ZBTB16: variants seen among roughly 807,000 people sequenced by gnomAD.
ZBTB16 encodes zinc finger and BTB domain containing 16.
Under a neutral mutation model 56.8 loss-of-function variants are expected in ZBTB16, and 8 were observed. That is an observed-to-expected ratio of 0.14 (90% CI 0.08 to 0.25). The LOEUF (loss-of-function observed/expected upper bound fraction) is 0.25, where lower values mean the gene tolerates loss of function less well. ZBTB16 is among the 10% of genes least tolerant of loss of function. ZBTB16 has a pLI of 1.00. For synonymous variants in ZBTB16, 363 were observed against 368.5 expected, an observed-to-expected ratio of 0.98 and a Z score of 0.17; for missense variants, 625 against 903.0, an observed-to-expected ratio of 0.69 and a Z score of 3.95.
chr11:114,171,909 G>A (rs978363256), intron 3 of ZBTB16, among the ~76,000 whole-genome samples: 4 of 152,358 alleles, frequency 2.6e-5, no homozygotes, highest in Middle Eastern at 3.4e-3. Context: ...TTAATGAGGC[G>A]TTCCGCCTCT....
At chr11:114,220,746 A>G (rs1345374153) in intron 4 of ZBTB16, among the ~76,000 whole-genome samples, 4 of 152,208 alleles carry the variant, frequency 2.6e-5, no homozygotes, top group African/African-American at 9.6e-5. Context: ...GTATATAAGT[A>G]AATGAATGTA....
chr11:114,239,809 C>T (rs1944665188), intron 4 of ZBTB16, among the ~76,000 whole-genome samples: 2 of 152,176 alleles, frequency 1.3e-5, no homozygotes, highest in African/African-American at 4.8e-5. Context: ...CCAGGGTAAG[C>T]CCAGACAGGC....
intron 2 of ZBTB16, among the ~76,000 whole-genome samples, chr11:114,090,183 A>G (rs901358173): frequency 1.3e-5 from 2 of 152,152 alleles, no homozygotes; most frequent in African/African-American, 2.4e-5. Flanking sequence ...GCTCCCTGCT[A>G]TTCTGTTCCC....
intron 4 of ZBTB16, among the ~76,000 whole-genome samples, chr11:114,236,453 T>A (rs1309196884): frequency 6.6e-6 from 1 of 152,134 alleles, no homozygotes; most frequent in African/African-American, 2.4e-5. Context: ...ATGGTCTGGG[T>A]TTTTGCTTCC....
In ZBTB16 at chr11:114,255,213, ATTTG is replaced by A. The variant is rs896972793; in HGVS notation, c.*4666_*4669del. On this transcript the variant is annotated 3_prime_UTR_variant, in exon 7 of 7. Coordinates refer to ENST00000335953, the MANE Select transcript of ZBTB16 (RefSeq NM_006006.6). ...TTTGGGTATTATGTTTCGTTTTGTT[ATTTG>A]TTTGTTTTTGTGGCTTGTCTTATGT... is the stretch of plus-strand genomic sequence containing the variant. 8.6e-5 allele frequency among the ~76,000 whole-genome samples: 13 copies of A among 152,046 alleles called. No individual in the cohort carries two copies. The highest frequency in any genetic ancestry group is 2.4e-4 in the African/African-American group (10 of 41,400).
rs1453413639 is a variant in ZBTB16, at chr11:114,139,204, T to C, written c.1269-17133T>C. The stretch of plus-strand genomic sequence containing the variant: ...AGCATGGAGACCACACTTCTGAAGA[T>C]GGAAGGAGACCCTTCTCCAGGCTGT... On this transcript the variant is annotated intron_variant, in intron 2 of 6. Transcript: ENST00000335953. Among the ~76,000 whole-genome samples the C allele has an allele frequency of 3.3e-5, 5 of 152,208 alleles. 1 individual carries two copies. The highest frequency in any genetic ancestry group is 7.3e-5 in the Non-Finnish European group (5 of 68,046).
chr11:114,197,030 T>C (rs1380159523), intron 4 of ZBTB16, among the ~76,000 whole-genome samples: 2 of 152,192 alleles, frequency 1.3e-5, no homozygotes, highest in South Asian at 2.1e-4. Context: ...TGCGGATCAA[T>C]GGATCAAAGC....
intron 2 of ZBTB16, among the ~76,000 whole-genome samples, chr11:114,139,665 A>T (rs1471088922): frequency 4.4e-4 from 35 of 79,804 alleles, no homozygotes; most frequent in Middle Eastern, 6.0e-3. Context: ...GTGTGTGTGT[A>T]GTAGAGGATT....
Position 114,064,058 on chromosome 11 carries a change from G to T in ZBTB16, c.758G>T (p.Ser253Ile). ...ATGATGCAGGTGGATGAGGTGCCCA[G>T]CCAGGACAGCCCTGGGGCAGCCGAG... The part of the protein sequence containing the change: ...TEMMQVDEVP[S>I]QDSPGAAESS... The change falls in exon 2 of 7, where the codon AGC (serine) becomes ATC (isoleucine). Residue 253 changes from serine to isoleucine, a missense_variant. Physicochemically the swap from Ser to Ile is moderately radical, Grantham distance 142 (BLOSUM62 -2). Transcript: ENST00000335953. The surrounding 1 kb of genome is among the most constrained non-coding windows in gnomAD (Gnocchi z 4.2). The T allele has an allele frequency of 6.2e-7, 1 of 1,613,572 alleles. No homozygotes were observed. The highest frequency in any genetic ancestry group is 1.7e-5 in the Admixed American group (1 of 59,992).
chr11:114,161,712 T>G (rs1210217846), intron 3 of ZBTB16, among the ~76,000 whole-genome samples: 1 of 152,112 alleles, frequency 6.6e-6, no homozygotes, highest in Non-Finnish European at 1.5e-5. Flanking sequence ...GTGGAAGGAA[T>G]AGCAAAATGA....
chr11:114,176,530 C>A (rs1312636328), intron 3 of ZBTB16, among the ~76,000 whole-genome samples: 2 of 152,184 alleles, frequency 1.3e-5, no homozygotes, highest in Non-Finnish European at 2.9e-5. Flanking sequence ...GCAGAATATT[C>A]ACCTTGAGAA....
intron 4 of ZBTB16, among the ~76,000 whole-genome samples, chr11:114,239,602 C>G (rs1944660199): frequency 2.0e-5 from 3 of 152,218 alleles, no homozygotes; most frequent in Non-Finnish European, 4.4e-5. Flanking sequence ...ATGTCTCCCT[C>G]CAGCAAGTGA....
intron 2 of ZBTB16, among the ~76,000 whole-genome samples, chr11:114,116,894 A>C (rs1444810431): frequency 6.6e-6 from 1 of 152,224 alleles, no homozygotes; most frequent in Non-Finnish European, 1.5e-5. Flanking sequence ...CAAGAATCTA[A>C]TAAGCTGGTA....
intron 1 of ZBTB16, among the ~76,000 whole-genome samples, chr11:114,062,283 T>G (rs1476229559): frequency 2.0e-5 from 3 of 151,946 alleles, no homozygotes; most frequent in African/African-American, 7.3e-5. Flanking sequence ...TTGTATTTTT[T>G]GTAGAGACGG....
chr11:114,234,098 A>G (rs148833489), intron 4 of ZBTB16, among the ~76,000 whole-genome samples: 15 of 152,286 alleles, frequency 9.8e-5, no homozygotes, highest in Admixed American at 4.6e-4. Flanking sequence ...CGGTATTGAA[A>G]CCGTAACATT....
At chr11:114,196,355 T>C (rs569521446) in intron 4 of ZBTB16, among the ~76,000 whole-genome samples, 1 of 152,024 alleles carries the variant, frequency 6.6e-6, no homozygotes, top group East Asian at 1.9e-4. Context: ...CTTCTTCAAA[T>C]AGAACCTTCC....
At position 114,254,436 on chromosome 11, in the gene ZBTB16, T is replaced by C. The variant is rs1429288348; in HGVS notation, c.*3881T>C. Among the ~76,000 whole-genome samples, 1 of 152,184 alleles carries C rather than the reference T, an allele frequency of 6.6e-6. No individual in the cohort carries two copies. Among genetic ancestry groups the C allele is most frequent in the Non-Finnish European group, 1.5e-5 (1 of 68,030 alleles). Reference sequence around the variant, plus strand: ...AAACTGCTGCAATTTTTCACAAGTGTATGGTACCTTTCTGGATGCTATTGG... The same window carrying C: ...AAACTGCTGCAATTTTTCACAAGTGCATGGTACCTTTCTGGATGCTATTGG... On this transcript the variant is annotated 3_prime_UTR_variant, in exon 7 of 7. Coordinates refer to ENST00000335953, the MANE Select transcript of ZBTB16 (RefSeq NM_006006.6).
intron 2 of ZBTB16, among the ~76,000 whole-genome samples, chr11:114,146,866 AC>A (rs1227410855): frequency 7.1e-6 from 1 of 140,004 alleles, no homozygotes; most frequent in East Asian, 2.1e-4. Context: ...AAAAAAAAAA[AC>A]CAAAACCTGG....
intron 2 of ZBTB16, among the ~76,000 whole-genome samples, chr11:114,067,650 A>C (rs1466852338): frequency 2.0e-5 from 3 of 151,964 alleles, no homozygotes; most frequent in Non-Finnish European, 4.4e-5. Context: ...TAAGTGATCC[A>C]CCTGTCTCGG....
Sources: allele counts gnomAD v4.1 joint callset (sites outside exome capture counted in the v4.1 genomes callset), GRCh38; gene constraint gnomAD v4.1.1; non-coding constraint Gnocchi (gnomAD v3.1); transcripts MANE v1.5; gene names NCBI Gene and HGNC (gene_info 2026-07-23, HGNC 2026-07-21).